Variants in PRMT2 observed in about 807,000 individuals in gnomAD.
The protein encoded by PRMT2 is protein arginine methyltransferase 2, also known as protein arginine N-methyltransferase 2.
In PRMT2, 26 loss-of-function variants were observed where a neutral mutation model predicts 57.6. The observed-to-expected ratio is 0.45, with a 90% CI of 0.33 to 0.63. PRMT2 has a LOEUF of 0.63. PRMT2 is among the 20% of genes least tolerant of loss of function. The pLI is 0.02. For missense variants in PRMT2, 472 were observed against 564.4 expected (o/e 0.84, Z 1.66); for synonymous variants, 219 against 220.0 (o/e 1.00, Z 0.04).
chr21:46,644,649 GAC>G (rs1306286423), intron 5 of PRMT2, among the ~76,000 whole-genome samples, 161 bp downstream of exon 5: 1 of 152,188 alleles, frequency 6.6e-6, no homozygotes, highest in Non-Finnish European at 1.5e-5. Context: ...CACTGTGGAT[GAC>G]ACACAAAGTG....
chr21:46,656,433 G>A (rs1347905758), intron 7 of PRMT2, among the ~76,000 whole-genome samples: 1 of 152,188 alleles, frequency 6.6e-6, no homozygotes, highest in East Asian at 1.9e-4. Flanking sequence ...AAAGTTGGAG[G>A]AACTATACTA....
intron 3 of PRMT2, among the ~76,000 whole-genome samples, chr21:46,638,660 A>ATTTT (rs2061217194): frequency 6.6e-6 from 1 of 152,230 alleles, no homozygotes; most frequent in African/African-American, 2.4e-5. Flanking sequence ...TGGGTTAGAA[A>ATTTT]TGGTATTTTG....
At chr21:46,637,018 C>T (rs781406619) in intron 3 of PRMT2, 28 bp downstream of exon 3, 2 of 1,611,128 alleles carry the variant, frequency 1.2e-6, no homozygotes, top group Non-Finnish European at 8.5e-7. Flanking sequence ...TCCTAAAAAT[C>T]TGTGTTTAAT....
In PRMT2 at chr21:46,648,530, G is replaced by A; in HGVS notation, c.400G>A (p.Glu134Lys). ...KYHSVILQNK[E>K]SLTDKVILDV... ...CCACAGTGTCATCCTGCAGAATAAA[G>A]AATCCCTGACGGATAAAGTCATCCT... Residue 134 changes from glutamate to lysine, a missense_variant, in exon 6 of 12, where the codon GAA becomes AAA. By Grantham distance (56) the Glu-to-Lys change is moderately conservative. Coordinates refer to ENST00000355680, the MANE Select transcript of PRMT2 (RefSeq NM_206962.4). This position sits in a 1 kb window ranked among gnomAD's most constrained non-coding sequence, Gnocchi z 4.8. The A allele has an allele frequency of 6.2e-7, 1 of 1,614,228 alleles. No homozygotes were observed. The highest frequency in any genetic ancestry group is 8.5e-7 in the Non-Finnish European group (1 of 1,180,040).
At chr21:46,663,999 T>G (rs552987668) in intron 11 of PRMT2, among the ~76,000 whole-genome samples, 1 of 152,326 alleles carries the variant, frequency 6.6e-6, no homozygotes, top group South Asian at 2.1e-4. Flanking sequence ...TGTGAATTCA[T>G]GTGTAGCTCG....
At position 46,662,452 on chromosome 21, in the gene PRMT2, C is replaced by T. The variant is rs977747591; in HGVS notation, c.1097+516C>T. The stretch of plus-strand genomic sequence containing the variant: ...CGCTGACTTCCCAGCGTGGTGGCCC[C>T]GCGAGGGGACCCCGGCTCCAGGGAG... On this transcript the variant is annotated intron_variant, in intron 10 of 11. Coordinates refer to ENST00000355680, the MANE Select transcript of PRMT2 (RefSeq NM_206962.4). Among the ~76,000 whole-genome samples, 7 of 152,208 alleles carry T rather than the reference C, an allele frequency of 4.6e-5. No homozygotes were observed. In the South Asian group the frequency reaches 1.0e-3, roughly 22 times the overall value.
At chr21:46,655,394 G>T (rs1205883064) in intron 7 of PRMT2, among the ~76,000 whole-genome samples, 1 of 152,090 alleles carries the variant, frequency 6.6e-6, no homozygotes. Flanking sequence ...GGAATGCAAG[G>T]CTGGTTCAAT....
At chr21:46,654,340 G>A (rs1454870076) in intron 7 of PRMT2, among the ~76,000 whole-genome samples, 1 of 152,176 alleles carries the variant, frequency 6.6e-6, no homozygotes, top group Non-Finnish European at 1.5e-5. Flanking sequence ...AAAAAGTACA[G>A]AGTATGTACA....
At position 46,661,774 on chromosome 21, in the gene PRMT2, C is replaced by T. The variant is rs564170797; in HGVS notation, c.961-26C>T. The T allele has an allele frequency of 2.8e-5, 37 of 1,334,126 alleles. No individual in the cohort carries two copies. The East Asian group carries it at 7.6e-4, about 27-fold the overall frequency. 82.6% of individuals were successfully genotyped at this position (1,334,126 alleles called of 1,614,324 possible). ...CCTGCGGTGCCACGCGGTGCCCACG[C>T]GTGCCTTGTCATCTGCTTGACCCAG... On this transcript the variant is annotated intron_variant, in intron 9 of 11. Coordinates refer to ENST00000355680, the MANE Select transcript of PRMT2 (RefSeq NM_206962.4).
At position 46,661,862 on chromosome 21, in the gene PRMT2, C is replaced by G; in HGVS notation, c.1023C>G (p.Ala341=). 6.6e-7 allele frequency: 1 copy of G among 1,515,024 alleles called. No individual in the cohort carries two copies. Among genetic ancestry groups the G allele is most frequent in the African/African-American group, 1.4e-5 (1 of 70,012 alleles). 93.8% of individuals were successfully genotyped at this position (1,515,024 alleles called of 1,614,324 possible). A position where few individuals can be genotyped will look rare whatever the true frequency, so the allele number is the denominator to read the frequency against. The change falls in exon 10 of 12, where the codon GCC becomes GCG. Residue 341 remains alanine (A), a synonymous_variant. Transcript: ENST00000355680. The part of the protein sequence containing the change: ...RKAGTLHGFT[A]WFSVHFQSLQ... ...CGGGGACCCTGCACGGCTTCACGGC[C>G]TGGTTTAGCGTCCACTTCCAGAGCC... is the stretch of plus-strand genomic sequence containing the variant.
At chr21:46,662,975 C>G (rs75008248) in intron 10 of PRMT2, among the ~76,000 whole-genome samples, 10,660 of 152,150 alleles carry the variant, frequency 0.07, 545 homozygotes, top group Non-Finnish European at 0.1. Flanking sequence ...CAGCCGTCCT[C>G]CTGGCGGGCC....
intron 7 of PRMT2, among the ~76,000 whole-genome samples, chr21:46,656,543 G>A (rs2061544444): frequency 6.6e-6 from 1 of 151,966 alleles, no homozygotes; most frequent in African/African-American, 2.4e-5. Context: ...ATGGTCAATG[G>A]GTTTTTTTTA....
Position 46,663,470 on chromosome 21 carries a change from G to A in PRMT2, c.1185G>A (p.Leu395=). The A allele has an allele frequency of 6.2e-7, 1 of 1,614,204 alleles. No homozygotes were observed. The highest frequency in any genetic ancestry group is 1.1e-5 in the South Asian group (1 of 91,088). The stretch of plus-strand genomic sequence containing the variant: ...ACGTGGTCACGGGTTCAGTTGTGTT[G>A]CAGAGAAACCCAGTGTGGAGAAGGC... ...TGDVVTGSVV[L]QRNPVWRRHM... The change falls in exon 11 of 12, where the codon TTG becomes TTA. Residue 395 remains leucine, a synonymous_variant. Transcript: ENST00000355680.
chr21:46,641,728 TGTG>T (rs2061279285), intron 3 of PRMT2, among the ~76,000 whole-genome samples: 1 of 148,220 alleles, frequency 6.7e-6, no homozygotes, highest in Non-Finnish European at 1.5e-5. Context: ...CCTGTGTGTG[TGTG>T]TGTGTGTGTG....
intron 4 of PRMT2, 148 bp downstream of exon 4, chr21:46,643,787 C>T: frequency 1.9e-6 from 2 of 1,045,754 alleles, no homozygotes; most frequent in Non-Finnish European, 2.6e-6. Context: ...AGCTCACAGC[C>T]CAGCCAGTTC....
chr21:46,641,374 C>G (rs2061271555), intron 3 of PRMT2, among the ~76,000 whole-genome samples: 1 of 152,088 alleles, frequency 6.6e-6, no homozygotes, highest in Non-Finnish European at 1.5e-5. Context: ...AGAGTTTTTC[C>G]AGAAGGTATT....
intron 8 of PRMT2, chr21:46,660,208 C>A (rs1243258256): frequency 3.1e-6 from 3 of 968,800 alleles, no homozygotes; most frequent in Non-Finnish European, 3.7e-6. Flanking sequence ...CGGTGACTTA[C>A]AAGCCTAGTG....
chr21:46,659,067 T>C (rs1351820033), intron 8 of PRMT2, 147 bp downstream of exon 8: 12 of 1,432,490 alleles, frequency 8.4e-6, no homozygotes, highest in South Asian at 1.5e-5. Flanking sequence ...TGTTGTAGCA[T>C]TGGAGTAATT....
At position 46,664,339 on chromosome 21, in the gene PRMT2, T is replaced by G; in HGVS notation, c.*12T>G. On this transcript the variant is annotated 3_prime_UTR_variant, in exon 12 of 12. Transcript: ENST00000355680. Reference sequence around the variant, plus strand: ...CCATCTGGAGATGACAGTTGATGCTTTATTTGGAAAGCAGTGTGCATATCT... The same window carrying G: ...CCATCTGGAGATGACAGTTGATGCTGTATTTGGAAAGCAGTGTGCATATCT... 1.9e-6 allele frequency: 3 copies of G among 1,614,126 alleles called. No homozygotes were observed. Among genetic ancestry groups the G allele is most frequent in the African/African-American group, 1.3e-5 (1 of 75,046 alleles).
Sources: allele counts gnomAD v4.1 joint callset (sites outside exome capture counted in the v4.1 genomes callset), GRCh38; gene constraint gnomAD v4.1.1; non-coding constraint Gnocchi (gnomAD v3.1); transcripts MANE v1.5; gene names NCBI Gene and HGNC (gene_info 2026-07-23, HGNC 2026-07-21).